DLC1: variants seen among roughly 807,000 people sequenced by gnomAD.
The protein encoded by DLC1 is rho GTPase-activating protein 7.
In DLC1, 54 loss-of-function variants were observed where a neutral mutation model predicts 140.3. The ratio of observed to expected loss-of-function variants is 0.38; its 90% CI spans 0.31 to 0.48. The LOEUF is 0.48. Ranked by LOEUF, DLC1 falls within the 20% of genes least tolerant of loss-of-function variation. The probability of loss-of-function intolerance (pLI) is 0.96; values close to 1 mark genes in which losing one functional copy is unlikely to be tolerated. For synonymous variants in DLC1, 986 were observed against 728.1 expected (o/e 1.35, Z -5.70); for missense variants, 2,536 against 1,907.0 (o/e 1.33, Z -6.14).
At chr8:13,598,031 T>G (rs1212414985) in intron 1 of DLC1, among the ~76,000 whole-genome samples, 1 of 152,112 alleles carries the variant, frequency 6.6e-6, no homozygotes. Flanking sequence ...CTCCGCCACT[T>G]GTAGTGGTCT....
intron 4 of DLC1, among the ~76,000 whole-genome samples, chr8:13,351,356 T>C (rs1413568617): frequency 6.6e-6 from 1 of 152,230 alleles, no homozygotes; most frequent in Non-Finnish European, 1.5e-5. Flanking sequence ...CAGTCCGAAG[T>C]TCATGGACTT....
Position 13,350,925 on chromosome 8 carries a change from A to G in DLC1, c.1314+42628T>C, listed in dbSNP as rs993468531. ...TTGTTTTGAAATATTTGTCCTTTTG[A>G]ATATATTTATATTTTTAAACACTCA... On this transcript the variant is annotated intron_variant, in intron 4 of 17. Coordinates refer to ENST00000276297, the MANE Select transcript of DLC1 (RefSeq NM_182643.3). Among the ~76,000 whole-genome samples, 6 of 151,952 alleles carry G rather than the reference A, an allele frequency of 3.9e-5. No homozygotes were observed. In the South Asian group the frequency reaches 8.3e-4, roughly 21 times the overall value.
intron 1 of DLC1, among the ~76,000 whole-genome samples, chr8:13,603,019 G>T (rs1349595602): frequency 6.6e-6 from 1 of 151,716 alleles, no homozygotes; most frequent in Non-Finnish European, 1.5e-5. Flanking sequence ...GATTTTACGT[G>T]GCAATAACTT....
intron 1 of DLC1, among the ~76,000 whole-genome samples, chr8:13,601,320 A>C (rs1805875392): frequency 6.6e-6 from 1 of 151,802 alleles, no homozygotes; most frequent in South Asian, 2.1e-4. Context: ...ATGCTATCTT[A>C]TACTTCAGTG....
At chr8:13,528,105 C>T (rs942314940) in intron 1 of DLC1, among the ~76,000 whole-genome samples, 1 of 152,054 alleles carries the variant, frequency 6.6e-6, no homozygotes, top group African/African-American at 2.4e-5. Flanking sequence ...GTGGAAGTGA[C>T]ATCTTAACCA....
At chr8:13,529,661 TGAGA>T (rs935604686) in intron 1 of DLC1, among the ~76,000 whole-genome samples, 8 of 152,242 alleles carry the variant, frequency 5.3e-5, no homozygotes, top group African/African-American at 1.9e-4. Context: ...TCCTTGCAAC[TGAGA>T]GAGAGCCTCC....
chr8:13,283,072 T>C (rs1040140051), intron 5 of DLC1, among the ~76,000 whole-genome samples: 7 of 152,186 alleles, frequency 4.6e-5, no homozygotes, highest in Admixed American at 2.0e-4. Flanking sequence ...CATAATATAC[T>C]CAGGCATATA....
chr8:13,517,800 C>T (rs983263997), upstream of DLC1, among the ~76,000 whole-genome samples: 2 of 152,212 alleles, frequency 1.3e-5, no homozygotes, highest in African/African-American at 4.8e-5. Context: ...CTTTTGTGAC[C>T]TGTGTGAGTT....
chr8:13,505,268 A>C (rs186309895), intron 1 of DLC1, among the ~76,000 whole-genome samples: 10 of 152,288 alleles, frequency 6.6e-5, no homozygotes, highest in Admixed American at 6.5e-4. Flanking sequence ...GTGAGGAGTG[A>C]GATTAGGGAG....
chr8:13,500,159 C>T lies in DLC1; in HGVS notation c.-88G>A. The T allele has an allele frequency of 8.1e-7, 1 of 1,235,544 alleles. No individual in the cohort carries two copies. The highest frequency in any genetic ancestry group is 1.1e-6 in the Non-Finnish European group (1 of 891,470). The allele number at this position is 1,235,544 out of a possible 1,614,324, so 76.5% of individuals were successfully genotyped here. A position where few individuals can be genotyped will look rare whatever the true frequency, so the allele number is the denominator to read the frequency against. Reference sequence around the variant, plus strand: ...TTGATGAAAGATTATTTCAAAATCACCAATCAAAGAAGCGAATGAGTTCTG... The same window carrying T: ...TTGATGAAAGATTATTTCAAAATCATCAATCAAAGAAGCGAATGAGTTCTG... On this transcript the variant is annotated 5_prime_UTR_variant, in exon 2 of 18. It adds an upstream start codon to the 5' untranslated region. Transcript: ENST00000276297.
intron 3 of DLC1, among the ~76,000 whole-genome samples, chr8:13,396,830 T>C (rs1003517150): frequency 2.0e-5 from 3 of 152,130 alleles, no homozygotes; most frequent in Non-Finnish European, 1.5e-5. Flanking sequence ...TCCCAAAATC[T>C]CTCACATCCG....
intron 5 of DLC1, among the ~76,000 whole-genome samples, chr8:13,219,247 T>TTGAATA (rs1828413792): frequency 1.5e-5 from 2 of 136,766 alleles, no homozygotes; most frequent in Admixed American, 1.5e-4. Context: ...AATGATATTC[T>TTGAATA]TGAATATGAA....
chr8:13,151,904 G>T (rs1213587054), intron 5 of DLC1, among the ~76,000 whole-genome samples: 1 of 152,126 alleles, frequency 6.6e-6, no homozygotes, highest in Admixed American at 6.6e-5. Flanking sequence ...GCTGCATAAT[G>T]TATGTTATGA....
chr8:13,446,436 C>T (rs1466371615), intron 2 of DLC1, among the ~76,000 whole-genome samples: 1 of 152,096 alleles, frequency 6.6e-6, no homozygotes. Flanking sequence ...CTGAGCAAGA[C>T]TGTTATTGCA....
rs538500229 is a variant in DLC1 at position 13,335,780 on chromosome 8, G to T, written c.1315-30478C>A. Reference sequence around the variant, plus strand: ...ATAGAATCATGGCAGACTTTATATAGCATGGGTATATAAAGTCTGCGATGA... The same window carrying T: ...ATAGAATCATGGCAGACTTTATATATCATGGGTATATAAAGTCTGCGATGA... On this transcript the variant is annotated intron_variant, in intron 4 of 17. Coordinates refer to ENST00000276297, the MANE Select transcript of DLC1 (RefSeq NM_182643.3). 1.3e-3 allele frequency among the ~76,000 whole-genome samples: 204 copies of T among 152,106 alleles called. 2 individuals are homozygous for T. The highest frequency in any genetic ancestry group is 4.8e-3 in the African/African-American group (200 of 41,488).
At chr8:13,374,285 C>T (rs1018530746) in intron 4 of DLC1, among the ~76,000 whole-genome samples, 1 of 143,254 alleles carries the variant, frequency 7.0e-6, no homozygotes, top group African/African-American at 2.7e-5. Flanking sequence ...AAAGGTCATG[C>T]CAAATCCATC....
intron 2 of DLC1, among the ~76,000 whole-genome samples, chr8:13,410,308 T>G (rs935405684): frequency 2.0e-5 from 3 of 152,094 alleles, no homozygotes; most frequent in Non-Finnish European, 4.4e-5. Context: ...AATATTTCTA[T>G]AAAACTAGGA....
intron 5 of DLC1, among the ~76,000 whole-genome samples, chr8:13,129,682 T>C (rs1406573196): frequency 6.6e-6 from 1 of 152,224 alleles, no homozygotes; most frequent in African/African-American, 2.4e-5. Context: ...CCAGGTCTGC[T>C]TTATAATCTC....
At chr8:13,546,711 G>C (rs1251272627) in intron 1 of DLC1, among the ~76,000 whole-genome samples, 1 of 152,130 alleles carries the variant, frequency 6.6e-6, no homozygotes, top group Admixed American at 6.6e-5. Context: ...TTAGAGGACA[G>C]GCCATGCTTG....
Sources: gnomAD v4.1 joint callset for allele counts (sites outside exome capture counted in the v4.1 genomes callset) on GRCh38, gnomAD v4.1.1 for gene constraint, MANE v1.5 for transcripts, NCBI Gene and HGNC (gene_info 2026-07-23, HGNC 2026-07-21) for gene names.